The following OPRM1 variants were observed in gnomAD, a reference collection of about 807,000 sequenced individuals.
OPRM1 encodes mu-type opioid receptor.
Under a neutral mutation model 31.8 loss-of-function variants are expected in OPRM1, and 27 were observed. The ratio of observed to expected loss-of-function variants is 0.85; its 90% CI spans 0.63 to 1.17. The LOEUF is 1.17. Among genes scored for constraint, OPRM1 ranks in the 50% most tolerant of loss-of-function variants. The pLI is 0.00. For synonymous variants in OPRM1, 196 were observed against 189.9 expected (o/e 1.03, Z -0.26); for missense variants, 536 against 511.1 (o/e 1.05, Z -0.47).
rs765374269 is a variant in OPRM1 at position 154,089,936 on chromosome 6, C to G, written c.401C>G (p.Thr134Arg). The G allele has an allele frequency of 2.8e-5, 45 of 1,613,706 alleles. No individual in the cohort carries two copies. Among genetic ancestry groups the G allele is most frequent in the Non-Finnish European group, 3.7e-5 (44 of 1,179,730 alleles). The change falls in exon 2 of 4, where the codon ACA becomes AGA. Residue 134 changes from threonine (T) to arginine (R), a missense_variant. Thr to Arg is a moderately conservative substitution (Grantham distance 71). Transcript: ENST00000330432. ...CAGAGTGTGAATTACCTAATGGGAA[C>G]ATGGCCATTTGGAACCATCCTTTGC... The part of the protein sequence containing the change: ...PFQSVNYLMG[T>R]WPFGTILCKI...
chr6:154,108,897 G>C, intron 3 of OPRM1: 1 of 985,018 alleles, frequency 1.0e-6, no homozygotes, highest in South Asian at 4.7e-5. Flanking sequence ...AGTTACTAGA[G>C]AAAAATTTTA....
chr6:154,150,039 G>A (rs796080398), intron 3 of OPRM1, among the ~76,000 whole-genome samples: 12 of 152,338 alleles, frequency 7.9e-5, no homozygotes, highest in African/African-American at 2.9e-4. Context: ...CTGCTAGTGG[G>A]TTTCCTGGTT....
At chr6:154,224,075 T>C (rs1324330331) in intron 3 of OPRM1, among the ~76,000 whole-genome samples, 2 of 152,066 alleles carry the variant, frequency 1.3e-5, no homozygotes, top group African/African-American at 4.8e-5. Flanking sequence ...CCCATAGAAC[T>C]CAAATCTTCT....
At chr6:154,185,229 C>T (rs1445350284) in intron 3 of OPRM1, among the ~76,000 whole-genome samples, 1 of 152,136 alleles carries the variant, frequency 6.6e-6, no homozygotes, top group Non-Finnish European at 1.5e-5. Flanking sequence ...ATGGGTCCTG[C>T]CAAGGAGGAG....
At position 154,129,852 on chromosome 6, in the gene OPRM1, GCACACACACACACACA is replaced by G. The variant is rs59576607; in HGVS notation, c.*11150_*11165del. Among the ~76,000 whole-genome samples, 7 of 131,488 alleles carry G rather than the reference GCACACACACACACACA, an allele frequency of 5.3e-5. No individual in the cohort carries two copies. The highest frequency in any genetic ancestry group is 2.7e-4 in the South Asian group (1 of 3,708). 86.3% of individuals were successfully genotyped at this position (131,488 alleles called of 152,430 possible). A position where few individuals can be genotyped will look rare whatever the true frequency, so the allele number is the denominator to read the frequency against. ...TTACCACCGACACCCTCCCCCCCCAGCACACACACACACACACACACACACACACACACAACATAGT... is the reference window on the plus strand; with the variant it reads ...TTACCACCGACACCCTCCCCCCCCAGCACACACACACACACACAACATAGT... On this transcript the variant is annotated 3_prime_UTR_variant, in exon 4 of 4. Coordinates refer to ENST00000330432, the MANE Select transcript of OPRM1 (RefSeq NM_000914.5).
intron 1 of OPRM1, among the ~76,000 whole-genome samples, chr6:154,048,186 T>G (rs1450278222): frequency 1.3e-5 from 2 of 152,224 alleles, no homozygotes; most frequent in Admixed American, 6.5e-5. Context: ...TGAAAACCAT[T>G]AGTGTGATTT....
chr6:154,031,099 C>G (rs1778982549), intron 1 of OPRM1, among the ~76,000 whole-genome samples: 1 of 152,122 alleles, frequency 6.6e-6, no homozygotes, highest in Non-Finnish European at 1.5e-5. Context: ...ATAAAATTTT[C>G]TATGTAGTTT....
intron 3 of OPRM1, among the ~76,000 whole-genome samples, chr6:154,151,536 T>C (rs1798498705): frequency 6.6e-6 from 1 of 152,138 alleles, no homozygotes; most frequent in African/African-American, 2.4e-5. Context: ...AGGGAAATTT[T>C]CTGGAAAAGG....
chr6:154,054,884 G>A (rs1341589667), intron 1 of OPRM1, among the ~76,000 whole-genome samples: 1 of 152,012 alleles, frequency 6.6e-6, no homozygotes, highest in Non-Finnish European at 1.5e-5. Context: ...CTACTAGGTC[G>A]CCCACAAAAA....
At position 154,122,970 on chromosome 6, in the gene OPRM1, C is replaced by A. The variant is rs1417351172; in HGVS notation, c.*4249C>A. The stretch of plus-strand genomic sequence containing the variant: ...GGTGTTATCCGAGCTCGTTGTCTCA[C>A]AACCAAGAAAATTAAGGAGCATGGA... On this transcript the variant is annotated 3_prime_UTR_variant, in exon 4 of 4. Transcript: ENST00000330432. Among the ~76,000 whole-genome samples, 1 of 152,138 alleles carries A rather than the reference C, an allele frequency of 6.6e-6. No individual in the cohort carries two copies. Among genetic ancestry groups the A allele is most frequent in the Admixed American group, 6.6e-5 (1 of 15,258 alleles).
At chr6:154,223,701 C>T (rs1372509963) in intron 3 of OPRM1, among the ~76,000 whole-genome samples, 1 of 152,212 alleles carries the variant, frequency 6.6e-6, no homozygotes, top group African/African-American at 2.4e-5. Flanking sequence ...ATCTACATTC[C>T]TATCATGGAT....
chr6:154,070,422 C>T (rs1182468202), intron 1 of OPRM1, among the ~76,000 whole-genome samples: 2 of 152,208 alleles, frequency 1.3e-5, no homozygotes, highest in African/African-American at 4.8e-5. Context: ...TGCTTCTACT[C>T]ATCCATCTGC....
At chr6:154,043,939 T>C (rs1010917440) in intron 1 of OPRM1, among the ~76,000 whole-genome samples, 4 of 152,156 alleles carry the variant, frequency 2.6e-5, no homozygotes. Flanking sequence ...TTTCCTTGGT[T>C]GTAAGCTGTG....
intron 1 of OPRM1, among the ~76,000 whole-genome samples, chr6:154,049,666 A>C (rs971526896): frequency 2.0e-5 from 3 of 152,210 alleles, no homozygotes; most frequent in African/African-American, 7.2e-5. Context: ...TATGGTAGCA[A>C]ATTCATGACA....
At chr6:154,035,236 A>G (rs1779235000), upstream of OPRM1, among the ~76,000 whole-genome samples, 1 of 152,120 alleles carries the variant, frequency 6.6e-6, no homozygotes, top group African/African-American at 2.4e-5. Context: ...CGGGGCTTTC[A>G]TCCACTTTAT....
chr6:154,067,928 C>A (rs986225456), intron 1 of OPRM1, among the ~76,000 whole-genome samples: 8 of 152,026 alleles, frequency 5.3e-5, no homozygotes, highest in Non-Finnish European at 1.0e-4. Flanking sequence ...AGTTAAATTA[C>A]AAATTATTTT....
intron 3 of OPRM1, among the ~76,000 whole-genome samples, chr6:154,138,054 CAA>C (rs1287818281): frequency 6.6e-6 from 1 of 152,126 alleles, no homozygotes; most frequent in Non-Finnish European, 1.5e-5. Flanking sequence ...CAGTAGAAAG[CAA>C]AGAAAATCAA....
Position 154,039,584 on chromosome 6 carries a change from A to G in OPRM1, c.40A>G (p.Thr14Ala), listed in dbSNP as rs894934906. The G allele has an allele frequency of 1.9e-6, 3 of 1,613,676 alleles. No individual in the cohort carries two copies. Among genetic ancestry groups the G allele is most frequent in the Admixed American group, 1.7e-5 (1 of 59,970 alleles). The change falls in exon 1 of 4, where the codon ACT becomes GCT. Residue 14 changes from threonine (T) to alanine (A), a missense_variant. Thr to Ala is a moderately conservative substitution (Grantham distance 58). Coordinates refer to ENST00000330432, the MANE Select transcript of OPRM1 (RefSeq NM_000914.5). ...SAAPTNASNC[T>A]DALAYSSCSP... Reference sequence around the variant, plus strand: ...TGCCCCCACGAACGCCAGCAATTGCACTGATGCCTTGGCGTACTCAAGTTG... The same window carrying G: ...TGCCCCCACGAACGCCAGCAATTGCGCTGATGCCTTGGCGTACTCAAGTTG...
At chr6:154,097,585 C>CTG (rs1793606828) in intron 3 of OPRM1, among the ~76,000 whole-genome samples, 4 of 96,004 alleles carry the variant, frequency 4.2e-5, no homozygotes, top group African/African-American at 1.3e-4. Context: ...GAAAATGGTT[C>CTG]CGTGTGTGTG....
Sources: allele counts gnomAD v4.1 joint callset (sites outside exome capture counted in the v4.1 genomes callset), GRCh38; gene constraint gnomAD v4.1.1; transcripts MANE v1.5; gene names NCBI Gene and HGNC (gene_info 2026-07-23, HGNC 2026-07-21).